SPAG7: variants seen among roughly 807,000 people sequenced by gnomAD.
The protein encoded by SPAG7 is sperm associated antigen 7.
A neutral mutation model predicts 30.6 loss-of-function variants in SPAG7; 20 were observed. The observed-to-expected ratio is 0.65, with a 90% CI of 0.46 to 0.95. The LOEUF (loss-of-function observed/expected upper bound fraction) is 0.95. SPAG7 is among the 40% of genes least tolerant of loss of function. The pLI, the probability that SPAG7 is intolerant of heterozygous loss-of-function variation, is 0.00. For missense variants in SPAG7, 276 were observed against 291.1 expected (o/e 0.95, Z 0.38); for synonymous variants, 127 against 104.2 (o/e 1.22, Z -1.33).
chr17:4,959,271 G>A lies in SPAG7; in HGVS notation c.*263C>T, dbSNP rs2151146495. 1.8e-6 allele frequency: 1 copy of A among 544,800 alleles called. No homozygotes were observed. Among genetic ancestry groups the A allele is most frequent in the Non-Finnish European group, 3.3e-6 (1 of 306,384 alleles). The allele number at this position is 544,800 out of a possible 1,614,324, so 33.7% of individuals were successfully genotyped here. A position where few individuals can be genotyped will look rare whatever the true frequency, so the allele number is the denominator to read the frequency against. On this transcript the variant is annotated 3_prime_UTR_variant, in exon 7 of 7. Coordinates refer to ENST00000206020, the MANE Select transcript of SPAG7 (RefSeq NM_004890.3). Reference sequence around the variant, plus strand: ...TGAATGTAAAGTACCCCAGCCCCATGGGGAAGAAAATTCCAAGAACGGGGA... The same window carrying A: ...TGAATGTAAAGTACCCCAGCCCCATAGGGAAGAAAATTCCAAGAACGGGGA...
At chr17:4,966,083 T>A (rs1187411332) in intron 1 of SPAG7, 1 of 152,192 alleles carries the variant, frequency 6.6e-6, no homozygotes, top group Non-Finnish European at 1.5e-5. Flanking sequence ...GATCTCTTGA[T>A]CTCGTGATCT....
intron 6 of SPAG7, 25 bp from the exon 7 acceptor site, chr17:4,959,668 CG>C: frequency 6.2e-7 from 1 of 1,612,964 alleles, no homozygotes; most frequent in Non-Finnish European, 8.5e-7. Context: ...GAGGGTAGGG[CG>C]GGCCTAGAAA....
Position 4,959,354 on chromosome 17 carries a change from C to T in SPAG7, c.*180G>A. 2 of 605,378 alleles carry T rather than the reference C, an allele frequency of 3.3e-6. No individual in the cohort carries two copies. Among genetic ancestry groups the T allele is most frequent in the Middle Eastern group, 4.4e-4 (1 of 2,270 alleles). 37.5% of individuals were successfully genotyped at this position (605,378 alleles called of 1,614,324 possible). A position where few individuals can be genotyped will look rare whatever the true frequency, so the allele number is the denominator to read the frequency against. On this transcript the variant is annotated 3_prime_UTR_variant, in exon 7 of 7. Coordinates refer to ENST00000206020, the MANE Select transcript of SPAG7 (RefSeq NM_004890.3). ...ACACTCTCACACACACACACACATG[C>T]CACGCACATATCCAAGCTCCAACGG... is the stretch of plus-strand genomic sequence containing the variant.
intron 1 of SPAG7, chr17:4,966,067 G>A (rs538996294): frequency 2.6e-5 from 4 of 152,236 alleles, no homozygotes; most frequent in African/African-American, 7.2e-5. Context: ...TGGCCAGGAT[G>A]CTCTCGATCT....
intron 1 of SPAG7, among the ~76,000 whole-genome samples, chr17:4,961,764 CAAAAAAA>C (rs762833514): frequency 2.3e-4 from 13 of 57,608 alleles, no homozygotes; most frequent in South Asian, 7.0e-4. Flanking sequence ...GACTCCATCT[CAAAAAAA>C]AAAAAAAAAA....
intron 1 of SPAG7, among the ~76,000 whole-genome samples, chr17:4,964,722 T>C (rs1329645291): frequency 2.0e-5 from 3 of 151,612 alleles, no homozygotes; most frequent in Admixed American, 2.0e-4. Flanking sequence ...CCAGCTGCAC[T>C]GAACCTCTCC....
intron 6 of SPAG7, 56 bp downstream of exon 6, chr17:4,959,704 T>A (rs748333845): frequency 1.2e-6 from 2 of 1,612,332 alleles, no homozygotes; most frequent in Admixed American, 3.3e-5. Flanking sequence ...TCCACTGCCC[T>A]CCTGCCGCAT....
intron 1 of SPAG7, among the ~76,000 whole-genome samples, chr17:4,965,101 G>C (rs111354566): frequency 1.3e-5 from 2 of 152,118 alleles, no homozygotes; most frequent in Non-Finnish European, 2.9e-5. Flanking sequence ...GTAGAGATGG[G>C]CTTTCTTCTC....
chr17:4,961,507 G>T (rs930644814), intron 1 of SPAG7, among the ~76,000 whole-genome samples: 3 of 150,898 alleles, frequency 2.0e-5, no homozygotes, highest in African/African-American at 7.3e-5. Context: ...TGTAATCCCA[G>T]CACTTTGGGA....
At chr17:4,960,678 G>A (rs994618785) in intron 2 of SPAG7, 108 bp downstream of exon 2, 7 of 1,380,686 alleles carry the variant, frequency 5.1e-6, no homozygotes, top group East Asian at 4.6e-5. Flanking sequence ...GCTTCCATGC[G>A]TCACCTCTCT....
At chr17:4,966,809 G>A (rs1174499859) in intron 1 of SPAG7, 2 of 985,392 alleles carry the variant, frequency 2.0e-6, no homozygotes, top group East Asian at 1.1e-4. Flanking sequence ...GGGACGAAGC[G>A]TAGGCAACCA....
At chr17:4,964,797 G>A (rs1020780149) in intron 1 of SPAG7, among the ~76,000 whole-genome samples, 14 of 151,878 alleles carry the variant, frequency 9.2e-5, no homozygotes, top group South Asian at 2.1e-4. Flanking sequence ...GTGCAGTGGC[G>A]CGATCTCGGC....
chr17:4,963,819 A>G (rs533440165), intron 1 of SPAG7, among the ~76,000 whole-genome samples: 78 of 152,178 alleles, frequency 5.1e-4, no homozygotes, highest in Admixed American at 9.2e-4. Flanking sequence ...ACTTCTATAG[A>G]CAGGATGAAG....
intron 1 of SPAG7, chr17:4,965,820 G>C (rs1193139706): frequency 7.2e-6 from 1 of 138,794 alleles, no homozygotes; most frequent in Non-Finnish European, 1.7e-5. Context: ...ACCAAGCCCA[G>C]CTAATGTTTA....
rs1326809871 is a variant in SPAG7 at position 4,959,829 on chromosome 17, G to A, written c.505C>T (p.His169Tyr). 1.9e-6 allele frequency: 3 copies of A among 1,614,022 alleles called. No homozygotes were observed. The highest frequency in any genetic ancestry group is 2.2e-5 in the East Asian group (1 of 44,896). The change falls in exon 6 of 7, where the codon CAC becomes TAC. Residue 169 changes from histidine to tyrosine, a missense_variant. Coordinates refer to ENST00000206020, the MANE Select transcript of SPAG7 (RefSeq NM_004890.3). ...PASDYKDKYS[H>Y]LIGKGAAKDA... is the part of the protein sequence containing the mutation. The stretch of plus-strand genomic sequence containing the variant: ...TTGGCTGCTCCCTTGCCGATGAGGT[G>A]GCTGTACTTGTCCTTGTAGTCGCTG...
Position 4,959,411 on chromosome 17 carries a change from T to A in SPAG7, c.*123A>T. On this transcript the variant is annotated 3_prime_UTR_variant, in exon 7 of 7. Transcript: ENST00000206020. ...ATCAAACACCTGTTTTCCCCCAGCC[T>A]GAGGGACAGCTGGTAGGAGGTGGTT... is the stretch of plus-strand genomic sequence containing the variant. 1 of 738,806 alleles carries A rather than the reference T, an allele frequency of 1.4e-6. No homozygotes were observed. Among genetic ancestry groups the A allele is most frequent in the East Asian group, 2.5e-5 (1 of 40,422 alleles). 45.8% of individuals were successfully genotyped at this position (738,806 alleles called of 1,614,324 possible).
chr17:4,960,656 T>C, intron 2 of SPAG7, 109 bp from the exon 3 acceptor site: 1 of 1,341,654 alleles, frequency 7.5e-7, no homozygotes, highest in Non-Finnish European at 1.1e-6. Context: ...CTCCCCAGCC[T>C]CCAAGCCACT....
chr17:4,962,623 T>G (rs775873630), intron 1 of SPAG7, among the ~76,000 whole-genome samples: 29 of 152,138 alleles, frequency 1.9e-4, no homozygotes, highest in Non-Finnish European at 3.5e-4. Flanking sequence ...CTCACTATGT[T>G]GCCCAGGATG....
chr17:4,964,058 C>G (rs989437728), intron 1 of SPAG7, among the ~76,000 whole-genome samples: 2 of 152,116 alleles, frequency 1.3e-5, no homozygotes, highest in Admixed American at 1.3e-4. Context: ...GTGGGAGGAT[C>G]ACTTGAGGCT....
Sources: allele counts gnomAD v4.1 joint callset (sites outside exome capture counted in the v4.1 genomes callset), GRCh38; gene constraint gnomAD v4.1.1; transcripts MANE v1.5; gene names NCBI Gene and HGNC (gene_info 2026-07-23, HGNC 2026-07-21).